TRIM37: variants seen among roughly 807,000 people sequenced by gnomAD.
TRIM37 encodes E3 ubiquitin-protein ligase TRIM37.
Under a neutral mutation model 129.8 loss-of-function variants are expected in TRIM37, and 80 were observed. The observed-to-expected ratio is 0.62, with a 90% CI of 0.51 to 0.74. TRIM37 has a LOEUF of 0.74. Among genes scored for constraint, TRIM37 ranks in the 30% least tolerant of loss-of-function variants. The pLI, the probability that TRIM37 is intolerant of heterozygous loss-of-function variation, is 0.00. For synonymous variants in TRIM37, 389 were observed against 387.1 expected, an observed-to-expected ratio of 1.00 and a Z score of -0.06; for missense variants, 1,054 against 1,176.5, an observed-to-expected ratio of 0.90 and a Z score of 1.52.
At chr17:59,058,190 T>C (rs1313345314) in intron 12 of TRIM37, among the ~76,000 whole-genome samples, 1 of 152,224 alleles carries the variant, frequency 6.6e-6, no homozygotes, top group African/African-American at 2.4e-5. Flanking sequence ...AAAATAAGTA[T>C]GCAGCCATAA....
chr17:59,053,862 G>C (rs2040583108), intron 13 of TRIM37, among the ~76,000 whole-genome samples: 1 of 152,180 alleles, frequency 6.6e-6, no homozygotes, highest in South Asian at 2.1e-4. Flanking sequence ...TACTTGGGAA[G>C]TTGAGACAGG....
intron 19 of TRIM37, among the ~76,000 whole-genome samples, chr17:59,025,546 A>AT (rs1222143445): frequency 6.6e-6 from 1 of 152,070 alleles, no homozygotes; most frequent in Non-Finnish European, 1.5e-5. Context: ...GTCCCTTGGT[A>AT]TATGTGGGGG....
At chr17:59,079,289 G>T (rs2043068972) in intron 7 of TRIM37, among the ~76,000 whole-genome samples, 1 of 152,040 alleles carries the variant, frequency 6.6e-6, no homozygotes, top group South Asian at 2.1e-4. Flanking sequence ...AAAGCAAAAA[G>T]GTCAGCAATA....
At position 59,081,963 on chromosome 17, in the gene TRIM37, A is replaced by AT. The variant is rs1366297584; in HGVS notation, c.370-745_370-744insA. Reference sequence around the variant, plus strand: ...AAAAAAAAAAAAAAATAAAAAAAAAAAAATAATAATAATAATAATAATAAT... The same window carrying AT: ...AAAAAAAAAAAAAAATAAAAAAAAAATAAATAATAATAATAATAATAATAAT... On this transcript the variant is annotated intron_variant, in intron 5 of 23. Coordinates refer to ENST00000262294, the MANE Select transcript of TRIM37 (RefSeq NM_015294.6). Among the ~76,000 whole-genome samples, 95 of 137,162 alleles carry AT rather than the reference A, an allele frequency of 6.9e-4. No homozygotes were observed. The East Asian group carries it at 0.011, about 15-fold the overall frequency. 90.0% of individuals were successfully genotyped at this position (137,162 alleles called of 152,430 possible).
chr17:58,988,313 C>A (rs1381638851), intron 24 of TRIM37, among the ~76,000 whole-genome samples: 1 of 152,096 alleles, frequency 6.6e-6, no homozygotes, highest in Non-Finnish European at 1.5e-5. Flanking sequence ...GTGACACACA[C>A]CCAGGGGAGT....
In TRIM37 at chr17:59,058,191, G is replaced by A. The variant is rs191806712; in HGVS notation, c.1020-1137C>T. Reference sequence around the variant, plus strand: ...AAATTTCCTAATAGAAAATAAGTATGCAGCCATAAAAAAGAACGAGATTAT... The same window carrying A: ...AAATTTCCTAATAGAAAATAAGTATACAGCCATAAAAAAGAACGAGATTAT... On this transcript the variant is annotated intron_variant, in intron 12 of 23. Transcript: ENST00000262294. Among the ~76,000 whole-genome samples the A allele has an allele frequency of 1.4e-4, 22 of 152,302 alleles. No individual in the cohort carries two copies. The East Asian group carries it at 2.9e-3, about 20-fold the overall frequency.
chr17:59,071,526 C>A (rs971530156), intron 8 of TRIM37, among the ~76,000 whole-genome samples: 1 of 152,066 alleles, frequency 6.6e-6, no homozygotes, highest in African/African-American at 2.4e-5. Flanking sequence ...ACCTCATGAT[C>A]CACCTGCCTC....
intron 2 of TRIM37, among the ~76,000 whole-genome samples, chr17:59,101,423 T>G (rs1317737756): frequency 6.6e-6 from 1 of 151,898 alleles, no homozygotes; most frequent in East Asian, 1.9e-4. Flanking sequence ...AAGCATGAGG[T>G]AACCAATGTT....
At chr17:59,001,249 T>C (rs1322298859) in intron 23 of TRIM37, among the ~76,000 whole-genome samples, 3 of 151,226 alleles carry the variant, frequency 2.0e-5, no homozygotes, top group African/African-American at 4.9e-5. Flanking sequence ...TTCTTCTTTG[T>C]TTCTTTTGCT....
At chr17:59,033,743 T>A (rs1363065209) in intron 17 of TRIM37, among the ~76,000 whole-genome samples, 2 of 151,870 alleles carry the variant, frequency 1.3e-5, no homozygotes, top group Non-Finnish European at 2.9e-5. Context: ...TTTCTTTTAC[T>A]AAGGAATTCC....
intron 4 of TRIM37, 66 bp from the exon 5 acceptor site, chr17:59,084,155 T>C (rs1376403507): frequency 7.7e-7 from 1 of 1,297,494 alleles, no homozygotes; most frequent in African/African-American, 1.5e-5. Context: ...CCACAAATTC[T>C]TAAGCTTGGG....
intron 19 of TRIM37, among the ~76,000 whole-genome samples, chr17:59,020,713 A>G (rs563067314): frequency 6.6e-6 from 1 of 152,374 alleles, no homozygotes; most frequent in African/African-American, 2.4e-5. Flanking sequence ...GCAAACAGGC[A>G]TATGAAAAAG....
At chr17:58,969,656 G>A in the TRIM37 span, 2 of 1,614,150 alleles carry the variant, frequency 1.2e-6, no homozygotes, top group South Asian at 2.2e-5. Context: ...GTTCCCCCAT[G>A]ATCCTGCTGA....
chr17:59,058,678 C>T (rs985098198), intron 12 of TRIM37, among the ~76,000 whole-genome samples: 14 of 151,518 alleles, frequency 9.2e-5, no homozygotes, highest in African/African-American at 2.9e-4. Flanking sequence ...GGCAACATGG[C>T]GAAACCCCGT....
At chr17:59,021,891 T>C (rs1321397963) in intron 19 of TRIM37, among the ~76,000 whole-genome samples, 1 of 151,996 alleles carries the variant, frequency 6.6e-6, no homozygotes, top group Non-Finnish European at 1.5e-5. Context: ...TAAATATATA[T>C]ACCTACAATG....
intron 1 of TRIM37, 84 bp from the exon 2 acceptor site, chr17:59,104,478 T>G: frequency 8.2e-7 from 1 of 1,214,312 alleles, no homozygotes; most frequent in East Asian, 2.3e-5. Context: ...ACTTGACATT[T>G]ACATTTATTT....
chr17:59,036,373 A>C (rs1435556265), intron 17 of TRIM37, among the ~76,000 whole-genome samples: 1 of 152,110 alleles, frequency 6.6e-6, no homozygotes, highest in Non-Finnish European at 1.5e-5. Flanking sequence ...AAAAGGTTTT[A>C]AGTATCATTC....
At chr17:59,019,067 C>A (rs2036277259) in intron 19 of TRIM37, among the ~76,000 whole-genome samples, 1 of 152,154 alleles carries the variant, frequency 6.6e-6, no homozygotes, top group Non-Finnish European at 1.5e-5. Flanking sequence ...TAAAATGATG[C>A]AGCTACTTTG....
At chr17:59,061,245 G>A in intron 11 of TRIM37, 137 bp from the exon 12 acceptor site, 2 of 708,282 alleles carry the variant, frequency 2.8e-6, no homozygotes, top group Admixed American at 5.1e-5. Context: ...AACACCAATA[G>A]ATTTGAGTTC....
Sources: gnomAD v4.1 joint callset for allele counts (sites outside exome capture counted in the v4.1 genomes callset) on GRCh38, gnomAD v4.1.1 for gene constraint, MANE v1.5 for transcripts, NCBI Gene and HGNC (gene_info 2026-07-23, HGNC 2026-07-21) for gene names.